Variants in GLIS3 observed in about 807,000 individuals in gnomAD.
GLIS3 encodes the protein GLIS family zinc finger 3.
In GLIS3, 53 loss-of-function variants were observed where a neutral mutation model predicts 78.6. That is an observed-to-expected ratio of 0.67 (90% CI 0.54 to 0.85). The LOEUF (loss-of-function observed/expected upper bound fraction) is 0.85. Among genes scored for constraint, GLIS3 ranks in the 40% least tolerant of loss-of-function variants. The probability of loss-of-function intolerance (pLI) is 0.00; values close to 1 mark genes in which losing one functional copy is unlikely to be tolerated. For missense variants in GLIS3, 1,703 were observed against 1,231.1 expected (o/e 1.38, Z -5.74); for synonymous variants, 684 against 509.9 (o/e 1.34, Z -4.60).
At chr9:4,294,438 G>T (rs956991721) in intron 1 of GLIS3, among the ~76,000 whole-genome samples, 1 of 152,150 alleles carries the variant, frequency 6.6e-6, no homozygotes, top group Non-Finnish European at 1.5e-5. Context: ...GAACCCAGGA[G>T]GGGGAGGTTG....
the GLIS3 span, among the ~76,000 whole-genome samples, chr9:4,358,700 G>T: frequency 2.0e-5 from 3 of 152,178 alleles, no homozygotes; most frequent in East Asian, 3.8e-4. Context: ...TGCTCCAGAG[G>T]AATGGGCACA....
intron 2 of GLIS3, among the ~76,000 whole-genome samples, chr9:4,192,920 A>G (rs1563731079): frequency 6.6e-6 from 1 of 152,232 alleles, no homozygotes; most frequent in South Asian, 2.1e-4. Flanking sequence ...GAAGTATCTC[A>G]GTGTGGACAG....
chr9:4,176,725 A>G (rs1441093018), intron 2 of GLIS3, among the ~76,000 whole-genome samples: 1 of 152,124 alleles, frequency 6.6e-6, no homozygotes, highest in Non-Finnish European at 1.5e-5. Flanking sequence ...CCGGGTTCAA[A>G]TGATTCTCCT....
intron 2 of GLIS3, among the ~76,000 whole-genome samples, chr9:4,321,886 TTTA>T (rs1817534694): frequency 6.6e-6 from 1 of 152,086 alleles, no homozygotes; most frequent in Admixed American, 6.6e-5. Context: ...TGTTTTCATT[TTTA>T]TTATTATGCT....
intron 4 of GLIS3, among the ~76,000 whole-genome samples, chr9:4,065,279 G>A (rs1003017634): frequency 5.9e-5 from 9 of 152,070 alleles, no homozygotes; most frequent in Admixed American, 5.2e-4. Flanking sequence ...CACAGCCCAA[G>A]GCAGAAAAAG....
chr9:4,275,623 T>G (rs56902804), intron 2 of GLIS3, among the ~76,000 whole-genome samples: 8,051 of 143,472 alleles, frequency 0.056, 491 homozygotes, highest in African/African-American at 0.15. Flanking sequence ...AAAAGCCAGG[T>G]GTGGTGATAC....
At chr9:4,463,441 T>C in the GLIS3 span, among the ~76,000 whole-genome samples, 1 of 152,188 alleles carries the variant, frequency 6.6e-6, no homozygotes, top group Non-Finnish European at 1.5e-5. Context: ...TCTCCTCTTA[T>C]GCTCCCCCAG....
chr9:4,126,023 G>C lies in GLIS3; in HGVS notation c.389-82C>G, dbSNP rs757144783. 5 of 1,069,046 alleles carry C rather than the reference G, an allele frequency of 4.7e-6. 1 individual carries two copies. In the Middle Eastern group the frequency reaches 6.0e-4, roughly 128 times the overall value. The allele number at this position is 1,069,046 out of a possible 1,614,324, so 66.2% of individuals were successfully genotyped here. A position where few individuals can be genotyped will look rare whatever the true frequency, so the allele number is the denominator to read the frequency against. On this transcript the variant is annotated intron_variant, in intron 2 of 10. Transcript: ENST00000381971. ...TACAGACATGTGCACGCTTATATCA[G>C]GACCCATCTTTAGAGACAGTCCTCA...
At chr9:4,274,979 T>C (rs551254281) in intron 2 of GLIS3, among the ~76,000 whole-genome samples, 2 of 152,334 alleles carry the variant, frequency 1.3e-5, no homozygotes, top group Admixed American at 1.3e-4. Context: ...TTTTACGTCT[T>C]TCATTATTCA....
chr9:3,936,956 G>T lies in GLIS3; in HGVS notation c.1872+72C>A, dbSNP rs1825931044. On this transcript the variant is annotated intron_variant, in intron 5 of 10. Transcript: ENST00000381971. ...AGACCATAAAGCAAACACTTCACCA[G>T]CCCACTATCAAGCAGGCACTTCCTC... 3.1e-6 allele frequency: 5 copies of T among 1,587,844 alleles called. No individual in the cohort carries two copies. In the African/African-American group the frequency reaches 5.4e-5, roughly 17 times the overall value.
intron 4 of GLIS3, among the ~76,000 whole-genome samples, chr9:4,066,325 G>A (rs927053242): frequency 6.6e-6 from 1 of 151,958 alleles, no homozygotes; most frequent in Non-Finnish European, 1.5e-5. Context: ...AGGCAGGGAG[G>A]CACCGTGGGT....
intron 6 of GLIS3, among the ~76,000 whole-genome samples, chr9:3,906,013 T>A (rs866025410): frequency 1.3e-5 from 2 of 152,142 alleles, no homozygotes; most frequent in Non-Finnish European, 2.9e-5. Flanking sequence ...GAGCAAGATA[T>A]GGAGAAAGGC....
At chr9:4,414,079 A>C in the GLIS3 span, among the ~76,000 whole-genome samples, 1 of 152,212 alleles carries the variant, frequency 6.6e-6, no homozygotes, top group Admixed American at 6.5e-5. Context: ...ATTTCCTCTG[A>C]ATCAACTGGA....
chr9:3,846,641 T>C (rs1323389905), intron 9 of GLIS3, among the ~76,000 whole-genome samples: 1 of 152,200 alleles, frequency 6.6e-6, no homozygotes, highest in Non-Finnish European at 1.5e-5. Flanking sequence ...AATGTTTTCT[T>C]AAGCAAAGGA....
chr9:3,953,795 C>CTCTCTCTCTCTCTCTATATATA (rs1403671770), intron 4 of GLIS3, among the ~76,000 whole-genome samples: 6 of 73,344 alleles, frequency 8.2e-5, no homozygotes, highest in Admixed American at 4.3e-4. Context: ...CTCTCTCTCT[C>CTCTCTCTCTCTCTCTATATATA]TATATATATA....
At chr9:3,910,046 T>C (rs1294167177) in intron 6 of GLIS3, among the ~76,000 whole-genome samples, 1 of 152,216 alleles carries the variant, frequency 6.6e-6, no homozygotes, top group East Asian at 1.9e-4. Flanking sequence ...CATCCTTCCT[T>C]ACCATTAAGC....
intron 2 of GLIS3, 83 bp from the exon 3 acceptor site, chr9:4,126,024 G>C (rs773556105): frequency 2.3e-5 from 24 of 1,063,144 alleles, no homozygotes; most frequent in Non-Finnish European, 3.5e-5. Context: ...CTTATATCAG[G>C]ACCCATCTTT....
At chr9:4,266,526 T>C (rs1381102275) in intron 2 of GLIS3, among the ~76,000 whole-genome samples, 1 of 152,022 alleles carries the variant, frequency 6.6e-6, no homozygotes, top group Non-Finnish European at 1.5e-5. Flanking sequence ...AAGGTACCAC[T>C]GGTTCTTACT....
At chr9:4,413,406 G>A in the GLIS3 span, among the ~76,000 whole-genome samples, 20 of 152,228 alleles carry the variant, frequency 1.3e-4, no homozygotes, top group African/African-American at 4.6e-4. Flanking sequence ...GTTAATCCCT[G>A]TTCTAATCAA....
Sources: gnomAD v4.1 joint callset for allele counts (sites outside exome capture counted in the v4.1 genomes callset) on GRCh38, gnomAD v4.1.1 for gene constraint, MANE v1.5 for transcripts, NCBI Gene and HGNC (gene_info 2026-07-23, HGNC 2026-07-21) for gene names.